The following CTDSPL variants were observed in gnomAD, a reference collection of about 807,000 sequenced individuals.
CTDSPL encodes CTD small phosphatase like.
Under a neutral mutation model 30.5 loss-of-function variants are expected in CTDSPL, and 8 were observed. The ratio of observed to expected loss-of-function variants is 0.26; its 90% CI spans 0.15 to 0.47. CTDSPL has a LOEUF of 0.47. Ranked by LOEUF, CTDSPL falls within the 20% of genes least tolerant of loss-of-function variation. The pLI, the probability that CTDSPL is intolerant of heterozygous loss-of-function variation, is 0.99. For synonymous variants in CTDSPL, 110 were observed against 137.9 expected, an observed-to-expected ratio of 0.80 and a Z score of 1.42; for missense variants, 248 against 366.1, an observed-to-expected ratio of 0.68 and a Z score of 2.63.
At chr3:37,945,052 T>G (rs1699019641) in intron 1 of CTDSPL, among the ~76,000 whole-genome samples, 2 of 150,484 alleles carry the variant, frequency 1.3e-5, no homozygotes, top group African/African-American at 4.8e-5. Context: ...GGGAAGGTGC[T>G]TTCTGCAGAC....
chr3:37,927,418 T>G (rs1698792753), intron 1 of CTDSPL, among the ~76,000 whole-genome samples: 1 of 152,126 alleles, frequency 6.6e-6, no homozygotes, highest in Non-Finnish European at 1.5e-5. Flanking sequence ...ATTATGTATG[T>G]GCAAATATTC....
intron 3 of CTDSPL, among the ~76,000 whole-genome samples, chr3:37,960,661 C>T (rs946031759): frequency 3.4e-5 from 5 of 145,084 alleles, no homozygotes; most frequent in South Asian, 2.2e-4. Context: ...ACCCGGGAGG[C>T]GGAGGTTGCA....
intron 2 of CTDSPL, 55 bp downstream of exon 2, chr3:37,947,266 G>A: frequency 3.2e-6 from 5 of 1,568,484 alleles, no homozygotes; most frequent in Non-Finnish European, 4.3e-6. Flanking sequence ...TGGCATCTCT[G>A]TCCCATCCTT....
intron 1 of CTDSPL, among the ~76,000 whole-genome samples, chr3:37,868,320 T>G (rs1698035802): frequency 6.6e-6 from 1 of 152,122 alleles, no homozygotes; most frequent in African/African-American, 2.4e-5. Context: ...ATTAGTCCTT[T>G]TTCAGATATG....
intron 1 of CTDSPL, among the ~76,000 whole-genome samples, chr3:37,907,070 C>A (rs1698524236): frequency 6.6e-6 from 1 of 152,218 alleles, no homozygotes; most frequent in African/African-American, 2.4e-5. Flanking sequence ...GCCAAAAACC[C>A]CCACTTCCTT....
At chr3:37,969,354 A>G in intron 5 of CTDSPL, 1 of 501,170 alleles carries the variant, frequency 2.0e-6, no homozygotes, top group Non-Finnish European at 4.1e-6. Flanking sequence ...TCCCGAGGGA[A>G]TGAAGCCACA....
chr3:37,910,112 T>G (rs1698564869), intron 1 of CTDSPL, among the ~76,000 whole-genome samples: 1 of 152,178 alleles, frequency 6.6e-6, no homozygotes, highest in Admixed American at 6.5e-5. Flanking sequence ...TTGTAAGGAT[T>G]CAGTGAGGTA....
In CTDSPL at chr3:37,925,202, C is replaced by T. The variant is rs574816048; in HGVS notation, c.80-21855C>T. Reference sequence around the variant, plus strand: ...CCTGCCCAGGGAAGCCTTGTTTGACCCCTCTGAATATTTGCCTGCACCATC... The same window carrying T: ...CCTGCCCAGGGAAGCCTTGTTTGACTCCTCTGAATATTTGCCTGCACCATC... On this transcript the variant is annotated intron_variant, in intron 1 of 7. Transcript: ENST00000273179. 4.6e-5 allele frequency among the ~76,000 whole-genome samples: 7 copies of T among 152,268 alleles called. No individual in the cohort carries two copies. The South Asian group carries it at 1.5e-3, about 32-fold the overall frequency.
chr3:37,925,753 A>G (rs1199156450), intron 1 of CTDSPL, among the ~76,000 whole-genome samples: 1 of 152,108 alleles, frequency 6.6e-6, no homozygotes, highest in Non-Finnish European at 1.5e-5. Flanking sequence ...AGGGTGTGTG[A>G]CAGAGAATGG....
At chr3:37,922,515 C>G (rs1387739852) in intron 1 of CTDSPL, among the ~76,000 whole-genome samples, 2 of 152,162 alleles carry the variant, frequency 1.3e-5, no homozygotes, top group Admixed American at 6.5e-5. Context: ...TCCTATTGCT[C>G]CACTCCATGG....
intron 1 of CTDSPL, among the ~76,000 whole-genome samples, chr3:37,930,402 C>T (rs552842932): frequency 1.3e-5 from 2 of 152,212 alleles, no homozygotes; most frequent in Non-Finnish European, 2.9e-5. Flanking sequence ...GCTGGGACTA[C>T]AGGAGCACAC....
At chr3:37,972,078 A>G (rs1397946719) in intron 6 of CTDSPL, among the ~76,000 whole-genome samples, 1 of 152,248 alleles carries the variant, frequency 6.6e-6, no homozygotes, top group African/African-American at 2.4e-5. Flanking sequence ...TAAAGGACTT[A>G]GCACAGTGTC....
At chr3:37,873,596 A>G (rs921088655) in intron 1 of CTDSPL, among the ~76,000 whole-genome samples, 4 of 152,236 alleles carry the variant, frequency 2.6e-5, no homozygotes, top group Non-Finnish European at 5.9e-5. Context: ...AGTGGCAAAC[A>G]GGAAGACGTA....
chr3:37,914,187 G>T (rs1698616603), intron 1 of CTDSPL, among the ~76,000 whole-genome samples: 1 of 151,488 alleles, frequency 6.6e-6, no homozygotes, highest in East Asian at 1.9e-4. Flanking sequence ...TTTATATTTT[G>T]GTTTTATTGT....
intron 5 of CTDSPL, chr3:37,969,514 C>T (rs570447983): frequency 2.2e-5 from 10 of 450,596 alleles, no homozygotes; most frequent in Non-Finnish European, 4.5e-5. Context: ...CTCAGGACCC[C>T]CCTCTCTGCC....
intron 1 of CTDSPL, among the ~76,000 whole-genome samples, chr3:37,897,413 G>T (rs1698401681): frequency 6.6e-6 from 1 of 152,090 alleles, no homozygotes; most frequent in African/African-American, 2.4e-5. Context: ...AATTTAAAAT[G>T]ATACTCTTCA....
intron 1 of CTDSPL, among the ~76,000 whole-genome samples, chr3:37,903,363 CCTT>C (rs1346156138): frequency 2.6e-5 from 4 of 152,148 alleles, no homozygotes. Context: ...ATTTGAGAGG[CCTT>C]CTTGTTGCTG....
chr3:37,894,577 T>C (rs994390452), intron 1 of CTDSPL, among the ~76,000 whole-genome samples: 11 of 152,344 alleles, frequency 7.2e-5, no homozygotes, highest in Admixed American at 6.5e-4. Context: ...TTTATCTTGC[T>C]TAGACTTTAT....
chr3:37,904,942 C>G (rs1698497042), intron 1 of CTDSPL, among the ~76,000 whole-genome samples: 2 of 152,178 alleles, frequency 1.3e-5, no homozygotes, highest in Non-Finnish European at 2.9e-5. Context: ...CTAATCACTC[C>G]TCTGGAAGCC....
Sources: gnomAD v4.1 joint callset for allele counts (sites outside exome capture counted in the v4.1 genomes callset) on GRCh38, gnomAD v4.1.1 for gene constraint, MANE v1.5 for transcripts, NCBI Gene and HGNC (gene_info 2026-07-23, HGNC 2026-07-21) for gene names.